Variants in NCEH1 observed in about 807,000 individuals in gnomAD.
NCEH1 encodes 2-acetyl MAGE hydrolase.
Under a neutral mutation model 25.4 loss-of-function variants are expected in NCEH1, and 9 were observed. The observed-to-expected ratio is 0.35, with a 90% confidence interval of 0.21 to 0.62. NCEH1 has a LOEUF of 0.62. NCEH1 is among the 20% of genes least tolerant of loss of function. The pLI is 0.72. For synonymous variants in NCEH1, 200 were observed against 199.8 expected (o/e 1.00, Z -0.01); for missense variants, 412 against 501.1 (o/e 0.82, Z 1.70).
intron 1 of NCEH1, among the ~76,000 whole-genome samples, chr3:172,674,179 C>G (rs890797133): frequency 2.0e-5 from 3 of 152,310 alleles, no homozygotes; most frequent in African/African-American, 7.2e-5. Flanking sequence ...CATTGGCTCA[C>G]GCCTGTAATC....
chr3:172,653,245 C>T (rs555934724), intron 1 of NCEH1, among the ~76,000 whole-genome samples: 4 of 152,160 alleles, frequency 2.6e-5, no homozygotes, highest in South Asian at 2.1e-4. Context: ...CAAAGAAATC[C>T]GGTGGGGCAC....
intron 1 of NCEH1, among the ~76,000 whole-genome samples, chr3:172,680,080 C>T (rs763932464): frequency 1.2e-4 from 19 of 152,276 alleles, no homozygotes; most frequent in Middle Eastern, 3.4e-3. Context: ...CCTAACTCCG[C>T]GTACTGAGTT....
At position 172,633,380 on chromosome 3, in the gene NCEH1, T is replaced by C. The variant is rs76718410; in HGVS notation, c.*95A>G. ...TCCATAACTCGCAAGTAGAGGGGAA[T>C]GGGAGGAAGAATTAGTCAACTAAAA... is the stretch of plus-strand genomic sequence containing the variant. On this transcript the variant is annotated 3_prime_UTR_variant, in exon 5 of 5. Transcript: ENST00000475381. 1.9e-3 allele frequency: 2,136 copies of C among 1,147,768 alleles called. 29 individuals are homozygous for C. In the African/African-American group the frequency reaches 0.03, roughly 16 times the overall value. The allele number at this position is 1,147,768 out of a possible 1,614,324, so 71.1% of individuals were successfully genotyped here. A position where few individuals can be genotyped will look rare whatever the true frequency, so the allele number is the denominator to read the frequency against.
intron 1 of NCEH1, among the ~76,000 whole-genome samples, chr3:172,679,960 G>C (rs538389418): frequency 6.6e-6 from 1 of 152,052 alleles, no homozygotes; most frequent in Non-Finnish European, 1.5e-5. Flanking sequence ...TTTTAAGAAC[G>C]AATTCTTTTC....
chr3:172,709,634 C>T (rs1714192213), intron 1 of NCEH1, among the ~76,000 whole-genome samples: 1 of 152,144 alleles, frequency 6.6e-6, no homozygotes, highest in African/African-American at 2.4e-5. Context: ...TAGGAATGTG[C>T]TGCAATATCC....
At position 172,632,403 on chromosome 3, in the gene NCEH1, T is replaced by C. The variant is rs1221843965; in HGVS notation, c.*1072A>G. Reference sequence around the variant, plus strand: ...ACATCTTTCTGAAAAACCTTAAGTCTAGCTATGTATATTAACATTAAATAA... The same window carrying C: ...ACATCTTTCTGAAAAACCTTAAGTCCAGCTATGTATATTAACATTAAATAA... On this transcript the variant is annotated 3_prime_UTR_variant, in exon 5 of 5. Coordinates refer to ENST00000475381, the MANE Select transcript of NCEH1 (RefSeq NM_020792.6). 6.6e-6 allele frequency: 1 copy of C among 152,432 alleles called. No individual in the cohort carries two copies. Among genetic ancestry groups the C allele is most frequent in the Non-Finnish European group, 1.5e-5 (1 of 68,024 alleles). 9.4% of individuals were successfully genotyped at this position (152,432 alleles called of 1,614,324 possible).
At chr3:172,655,552 G>C (rs1458474907) in intron 1 of NCEH1, among the ~76,000 whole-genome samples, 1 of 152,214 alleles carries the variant, frequency 6.6e-6, no homozygotes, top group Non-Finnish European at 1.5e-5. Context: ...GATGTTTCTG[G>C]TCACAGGGCG....
intron 1 of NCEH1, among the ~76,000 whole-genome samples, chr3:172,666,507 A>G (rs906165804): frequency 3.3e-5 from 5 of 151,868 alleles, no homozygotes; most frequent in African/African-American, 1.2e-4. Context: ...TGTATGGGGG[A>G]GCTGTTTTCT....
chr3:172,673,379 A>C (rs1711758660), intron 1 of NCEH1, among the ~76,000 whole-genome samples: 1 of 152,158 alleles, frequency 6.6e-6, no homozygotes, highest in South Asian at 2.1e-4. Context: ...GAGGTACATA[A>C]AGCAGGAGAG....
At chr3:172,643,118 A>G (rs888095104) in intron 3 of NCEH1, among the ~76,000 whole-genome samples, 1 of 152,012 alleles carries the variant, frequency 6.6e-6, no homozygotes, top group African/African-American at 2.4e-5. Flanking sequence ...TTGTATTTTT[A>G]GTAGAGATGG....
chr3:172,681,960 C>G (rs1712406122), intron 1 of NCEH1, among the ~76,000 whole-genome samples: 1 of 151,968 alleles, frequency 6.6e-6, no homozygotes, highest in African/African-American at 2.4e-5. Flanking sequence ...AATTATGCCC[C>G]ATAACTGAGC....
chr3:172,637,481 G>C (rs533982872), intron 3 of NCEH1, among the ~76,000 whole-genome samples: 1 of 152,130 alleles, frequency 6.6e-6, no homozygotes, highest in Admixed American at 6.6e-5. Flanking sequence ...GGCTGAGAGC[G>C]GTGGCTCACA....
chr3:172,660,140 G>A (rs908975618), intron 1 of NCEH1, among the ~76,000 whole-genome samples: 2 of 72,000 alleles, frequency 2.8e-5, no homozygotes, highest in African/African-American at 5.0e-5. Context: ...CCCTCCCCAC[G>A]ACAGGCCCCA....
chr3:172,643,809 G>A (rs1440473530), intron 3 of NCEH1, among the ~76,000 whole-genome samples: 5 of 152,184 alleles, frequency 3.3e-5, no homozygotes, highest in Admixed American at 2.0e-4. Flanking sequence ...CCTGCAAGGA[G>A]CTGGGGCTAC....
chr3:172,656,972 C>T (rs1717726448), intron 1 of NCEH1, among the ~76,000 whole-genome samples: 1 of 152,190 alleles, frequency 6.6e-6, no homozygotes, highest in South Asian at 2.1e-4. Context: ...CTTCCCTCTT[C>T]TCCAGTTTCT....
At chr3:172,648,671 G>A (rs115633190) in intron 1 of NCEH1, among the ~76,000 whole-genome samples, 1,723 of 151,998 alleles carry the variant, frequency 0.011, 37 homozygotes, top group African/African-American at 0.039. Context: ...TGAAAGGAGC[G>A]TGTGAGAAAA....
rs745477290 is a variant in NCEH1, at chr3:172,632,387, T to C, written c.*1088A>G. 6.6e-6 allele frequency: 1 copy of C among 152,424 alleles called. No individual in the cohort carries two copies. Among genetic ancestry groups the C allele is most frequent in the Non-Finnish European group, 1.5e-5 (1 of 68,032 alleles). 9.4% of individuals were successfully genotyped at this position (152,424 alleles called of 1,614,324 possible). A position where few individuals can be genotyped will look rare whatever the true frequency, so the allele number is the denominator to read the frequency against. On this transcript the variant is annotated 3_prime_UTR_variant, in exon 5 of 5. Transcript: ENST00000475381. ...TTAATATTTATTATGGACATCTTTC[T>C]GAAAAACCTTAAGTCTAGCTATGTA...
At chr3:172,690,843 G>A (rs1648465954) in intron 1 of NCEH1, among the ~76,000 whole-genome samples, 1 of 152,056 alleles carries the variant, frequency 6.6e-6, no homozygotes, top group East Asian at 1.9e-4. Flanking sequence ...TTGTGTTAAG[G>A]TGAGATTATA....
At chr3:172,659,124 A>T (rs888870858) in intron 1 of NCEH1, among the ~76,000 whole-genome samples, 2 of 151,904 alleles carry the variant, frequency 1.3e-5, no homozygotes, top group African/African-American at 4.8e-5. Flanking sequence ...CTCAACCATC[A>T]CCCTCTATTG....
Sources: gnomAD v4.1 joint callset for allele counts (sites outside exome capture counted in the v4.1 genomes callset) on GRCh38, gnomAD v4.1.1 for gene constraint, MANE v1.5 for transcripts, NCBI Gene and HGNC (gene_info 2026-07-23, HGNC 2026-07-21) for gene names.